SNX25: variants seen among roughly 807,000 people sequenced by gnomAD.
SNX25 encodes the protein sorting nexin-25.
SNX25 carries 62 observed loss-of-function variants against 113.7 expected under a neutral mutation model. That is an observed-to-expected ratio of 0.55 (90% CI 0.44 to 0.67). SNX25 has a LOEUF of 0.67. Among genes scored for constraint, SNX25 ranks in the 30% least tolerant of loss-of-function variants. The probability of loss-of-function intolerance (pLI) is 0.00; values close to 1 mark genes in which losing one functional copy is unlikely to be tolerated. For missense variants in SNX25, 1,014 were observed against 1,161.0 expected (o/e 0.87, Z 1.84); for synonymous variants, 421 against 436.2 (o/e 0.97, Z 0.43).
chr4:185,367,409 A>G (rs992975041), downstream of SNX25, among the ~76,000 whole-genome samples: 9 of 151,960 alleles, frequency 5.9e-5, no homozygotes, highest in Admixed American at 3.3e-4. Context: ...ACTTTAACCT[A>G]TGCAGAATAG....
intron 7 of SNX25, among the ~76,000 whole-genome samples, chr4:185,316,890 G>A (rs1235751536): frequency 6.6e-6 from 1 of 152,180 alleles, no homozygotes; most frequent in African/African-American, 2.4e-5. Flanking sequence ...TTTACATAAA[G>A]TCAAATGTTA....
chr4:185,214,675 C>T lies in SNX25; in HGVS notation c.429+4420C>T, dbSNP rs560506116. Among the ~76,000 whole-genome samples the T allele has an allele frequency of 1.1e-4, 17 of 152,232 alleles. No homozygotes were observed. In the East Asian group the frequency reaches 1.9e-3, roughly 17 times the overall value. ...TTAATGAAAGACTTCAAAGTTTAGC[C>T]GGAAAGTAGTTTAACAAGTTCATCA... On this transcript the variant is annotated intron_variant, in intron 1 of 18. Transcript: ENST00000652585.
intron 11 of SNX25, 78 bp from the exon 12 acceptor site, chr4:185,341,897 AG>A (rs1339036132): frequency 1.0e-5 from 15 of 1,464,362 alleles, no homozygotes; most frequent in Non-Finnish European, 1.4e-5. Flanking sequence ...AAATCTCCTT[AG>A]GGGGACACTT....
chr4:185,354,314 G>A (rs1447175727), intron 15 of SNX25, among the ~76,000 whole-genome samples: 1 of 152,170 alleles, frequency 6.6e-6, no homozygotes, highest in Non-Finnish European at 1.5e-5. Context: ...TAATTCCATG[G>A]CCAAGGACGT....
intron 3 of SNX25, among the ~76,000 whole-genome samples, chr4:185,261,004 C>T (rs1412135696): frequency 2.0e-5 from 3 of 152,040 alleles, no homozygotes; most frequent in African/African-American, 7.2e-5. Context: ...CATAGTTCCA[C>T]CTGACAAATA....
chr4:185,362,489 T>TA, intron 17 of SNX25, 122 bp from the exon 18 acceptor site: 1 of 1,173,790 alleles, frequency 8.5e-7, no homozygotes, highest in Non-Finnish European at 1.2e-6. Flanking sequence ...TGACCATTCA[T>TA]GTTTCTCATG....
intron 5 of SNX25, among the ~76,000 whole-genome samples, chr4:185,279,029 A>G (rs1750165987): frequency 6.6e-6 from 1 of 152,078 alleles, no homozygotes; most frequent in Admixed American, 6.6e-5. Flanking sequence ...ATATATGGTA[A>G]CATTTTTGTT....
Position 185,363,580 on chromosome 4 carries a change from T to A in SNX25, c.*115T>A, listed in dbSNP as rs1194115097. Reference sequence around the variant, plus strand: ...CGTATTGATTTTTATTTTAGTTACCTCCCTCTAGTTTTATGTGAAATTAGT... The same window carrying A: ...CGTATTGATTTTTATTTTAGTTACCACCCTCTAGTTTTATGTGAAATTAGT... On this transcript the variant is annotated 3_prime_UTR_variant, in exon 19 of 19. Transcript: ENST00000652585. This position sits in a 1 kb window ranked among gnomAD's most constrained non-coding sequence, Gnocchi z 4.2. 1 of 919,144 alleles carries A rather than the reference T, an allele frequency of 1.1e-6. No homozygotes were observed. The highest frequency in any genetic ancestry group is 1.7e-6 in the Non-Finnish European group (1 of 597,006). The allele number at this position is 919,144 out of a possible 1,614,324, so 56.9% of individuals were successfully genotyped here.
chr4:185,358,670 G>A (rs1297583693), intron 16 of SNX25, among the ~76,000 whole-genome samples: 1 of 152,160 alleles, frequency 6.6e-6, no homozygotes, highest in Admixed American at 6.5e-5. Flanking sequence ...CCCTGGTCTG[G>A]TGCCTGCTTC....
chr4:185,374,340 C>A (rs765318312), downstream of SNX25: 1 of 1,613,904 alleles, frequency 6.2e-7, no homozygotes, highest in Non-Finnish European at 8.5e-7. Context: ...CTCATTTGAT[C>A]GTTTAACACC....
chr4:185,217,046 G>A (rs866054388), intron 1 of SNX25, among the ~76,000 whole-genome samples: 2 of 152,174 alleles, frequency 1.3e-5, no homozygotes, highest in African/African-American at 4.8e-5. Flanking sequence ...TTCAGGCATG[G>A]TCACTGTTGG....
intron 15 of SNX25, among the ~76,000 whole-genome samples, chr4:185,356,954 A>G (rs907465067): frequency 5.9e-5 from 9 of 152,232 alleles, no homozygotes; most frequent in African/African-American, 2.2e-4. Context: ...GTTAACAATA[A>G]AAGTTTAGGT....
At chr4:185,347,254 T>C (rs2095291700) in intron 13 of SNX25, among the ~76,000 whole-genome samples, 1 of 152,214 alleles carries the variant, frequency 6.6e-6, no homozygotes, top group African/African-American at 2.4e-5. Context: ...TTTTGACAAA[T>C]ATCTGTCGGC....
intron 3 of SNX25, among the ~76,000 whole-genome samples, chr4:185,264,232 A>G (rs1579532286): frequency 6.6e-6 from 1 of 152,180 alleles, no homozygotes; most frequent in East Asian, 1.9e-4. Context: ...TTATGATTTC[A>G]TTTGAAATCC....
intron 1 of SNX25, among the ~76,000 whole-genome samples, chr4:185,211,645 A>G (rs1211747521): frequency 6.6e-6 from 1 of 152,214 alleles, no homozygotes. Context: ...AATCAACAGG[A>G]CACATAAATA....
chr4:185,322,006 T>TCTTA (rs2095123820), intron 8 of SNX25, among the ~76,000 whole-genome samples: 1 of 152,198 alleles, frequency 6.6e-6, no homozygotes, highest in Non-Finnish European at 1.5e-5. Flanking sequence ...CTTCAGGAGA[T>TCTTA]CTTAGAACCA....
upstream of SNX25, among the ~76,000 whole-genome samples, chr4:185,206,441 T>C (rs1737188845): frequency 6.6e-6 from 1 of 151,658 alleles, no homozygotes; most frequent in African/African-American, 2.4e-5. Context: ...GAGGCCAAGG[T>C]GGACAGATCC....
intron 13 of SNX25, among the ~76,000 whole-genome samples, chr4:185,347,170 G>T (rs1050112539): frequency 6.6e-6 from 1 of 152,218 alleles, no homozygotes; most frequent in Non-Finnish European, 1.5e-5. Context: ...TCATTCCGTT[G>T]TTGATGAGCC....
intron 1 of SNX25, among the ~76,000 whole-genome samples, chr4:185,216,762 C>G (rs3108287): frequency 0.63 from 96,099 of 151,738 alleles, 30,667 homozygotes; most frequent in East Asian, 0.74. Flanking sequence ...CTCAGATGAT[C>G]CACCCGCCTT....
Sources: gnomAD v4.1 joint callset for allele counts (sites outside exome capture counted in the v4.1 genomes callset) on GRCh38, gnomAD v4.1.1 for gene constraint, Gnocchi (gnomAD v3.1) non-coding constraint, MANE v1.5 for transcripts, NCBI Gene and HGNC (gene_info 2026-07-23, HGNC 2026-07-21) for gene names.